Variants in MED13L observed in about 807,000 individuals in gnomAD.
MED13L encodes the protein mediator complex subunit 13L, also known as mediator of RNA polymerase II transcription subunit 13-like.
In MED13L, 7 loss-of-function variants were observed where a neutral mutation model predicts 220.9. The ratio of observed to expected loss-of-function variants is 0.03; its 90% CI spans 0.02 to 0.06. The LOEUF (loss-of-function observed/expected upper bound fraction) is 0.06, where lower values mean the gene tolerates loss of function less well. Among genes scored for constraint, MED13L ranks in the 10% least tolerant of loss-of-function variants. MED13L has a pLI of 1.00. For synonymous variants in MED13L, 1,011 were observed against 1,015.2 expected (o/e 1.00, Z 0.08); for missense variants, 1,965 against 2,760.5 (o/e 0.71, Z 6.46).
chr12:115,976,159 C>T (rs1876922986), intron 23 of MED13L, among the ~76,000 whole-genome samples: 1 of 152,136 alleles, frequency 6.6e-6, no homozygotes, highest in African/African-American at 2.4e-5. Flanking sequence ...CAAACATATA[C>T]TCCCTTTGAA....
intron 1 of MED13L, among the ~76,000 whole-genome samples, chr12:116,261,602 T>C (rs1185783359): frequency 6.6e-6 from 1 of 152,208 alleles, no homozygotes; most frequent in African/African-American, 2.4e-5. Flanking sequence ...CTGTAGGGTT[T>C]AAAAGCAAGA....
At chr12:116,024,299 A>C (rs1246314640) in intron 4 of MED13L, among the ~76,000 whole-genome samples, 1 of 152,210 alleles carries the variant, frequency 6.6e-6, no homozygotes, top group Non-Finnish European at 1.5e-5. Context: ...GACTGATATG[A>C]AAACACATGA....
chr12:116,275,815 A>G (rs1474267594), intron 1 of MED13L, among the ~76,000 whole-genome samples: 3 of 152,250 alleles, frequency 2.0e-5, no homozygotes, highest in Non-Finnish European at 4.4e-5. Context: ...TAAACCGTTC[A>G]GCCAATTTTC....
At chr12:116,020,016 A>C in intron 5 of MED13L, 44 bp from the exon 6 acceptor site, 1 of 1,550,188 alleles carries the variant, frequency 6.5e-7, no homozygotes. Flanking sequence ...TAGAGAAATA[A>C]TTCCTACTTA....
intron 4 of MED13L, among the ~76,000 whole-genome samples, chr12:116,059,292 T>TCAAG (rs1283837077): frequency 6.6e-6 from 1 of 152,172 alleles, no homozygotes; most frequent in African/African-American, 2.4e-5. Context: ...ACTCCTGGGC[T>TCAAG]CAAGCCATCC....
intron 1 of MED13L, among the ~76,000 whole-genome samples, chr12:116,238,088 G>A (rs1870266687): frequency 6.6e-6 from 1 of 152,130 alleles, no homozygotes; most frequent in Admixed American, 6.5e-5. Context: ...AAATAAGTTT[G>A]TATATATGAA....
At chr12:116,046,402 C>T (rs1391590114) in intron 4 of MED13L, among the ~76,000 whole-genome samples, 1 of 152,118 alleles carries the variant, frequency 6.6e-6, no homozygotes, top group Non-Finnish European at 1.5e-5. Flanking sequence ...AATAATTTCA[C>T]ATCCCAAAAT....
chr12:116,047,326 T>A (rs1307972191), intron 4 of MED13L, among the ~76,000 whole-genome samples: 1 of 152,204 alleles, frequency 6.6e-6, no homozygotes, highest in African/African-American at 2.4e-5. Context: ...GACCCCAGCC[T>A]GGGTGACAGA....
intron 2 of MED13L, chr12:116,168,965 A>C (rs978644201): frequency 3.9e-5 from 6 of 152,252 alleles, no homozygotes; most frequent in African/African-American, 1.2e-4. Flanking sequence ...AGGAAGGCAA[A>C]GCACCAGGCC....
chr12:115,986,989 G>T, intron 18 of MED13L, 120 bp downstream of exon 18: 2 of 1,019,058 alleles, frequency 2.0e-6, no homozygotes, highest in Non-Finnish European at 2.9e-6. Flanking sequence ...AAAACTAAAT[G>T]GTCAAAGAAA....
At chr12:116,228,991 G>C (rs1869278416) in intron 2 of MED13L, among the ~76,000 whole-genome samples, 1 of 151,964 alleles carries the variant, frequency 6.6e-6, no homozygotes, top group Non-Finnish European at 1.5e-5. Context: ...TTCCCAGGCT[G>C]GTCTCAAAGT....
chr12:116,174,569 G>A (rs932117727), intron 2 of MED13L: 1 of 151,590 alleles, frequency 6.6e-6, no homozygotes, highest in Non-Finnish European at 1.5e-5. Context: ...ATTCGATTTT[G>A]CTAACAGATA....
intron 4 of MED13L, among the ~76,000 whole-genome samples, chr12:116,075,848 T>C (rs1383636304): frequency 1.3e-5 from 2 of 152,100 alleles, no homozygotes; most frequent in East Asian, 1.9e-4. Context: ...TGTTTCTCAA[T>C]TGCAGTTGTG....
chr12:116,158,885 G>GTGATACATCCCCCCAGCTTATT, intron 2 of MED13L, among the ~76,000 whole-genome samples: 1 of 152,120 alleles, frequency 6.6e-6, no homozygotes, highest in East Asian at 1.9e-4. Flanking sequence ...GTAACCTCAC[G>GTGATACATCCCCCCAGCTTATT]TGACTAGTGA....
intron 22 of MED13L, among the ~76,000 whole-genome samples, chr12:115,981,509 C>T (rs1877328639): frequency 6.6e-6 from 1 of 152,116 alleles, no homozygotes; most frequent in African/African-American, 2.4e-5. Flanking sequence ...CACTATAAAG[C>T]TGTCAAAGGT....
rs148987252 is a variant in MED13L, at chr12:116,027,600, T to C, written c.480-4999A>G. ...AAGATCTGAGGAAGCCCTTGCCTCC[T>C]ATCCTTATGCAGCGCTGCTTGTTGG... On this transcript the variant is annotated intron_variant, in intron 4 of 30. Transcript: ENST00000281928. Among the ~76,000 whole-genome samples, 19 of 152,292 alleles carry C rather than the reference T, an allele frequency of 1.2e-4. No homozygotes were observed. In the East Asian group the frequency reaches 3.5e-3, roughly 28 times the overall value.
chr12:116,015,529 C>G lies in MED13L; in HGVS notation c.1010-255G>C, dbSNP rs532549865. Among the ~76,000 whole-genome samples, 17 of 152,232 alleles carry G rather than the reference C, an allele frequency of 1.1e-4. No individual in the cohort carries two copies. The East Asian group carries it at 2.7e-3, about 24-fold the overall frequency. On this transcript the variant is annotated intron_variant, in intron 7 of 30. Coordinates refer to ENST00000281928, the MANE Select transcript of MED13L (RefSeq NM_015335.5). ...TCAATTAATCAGATGAACACTCACA[C>G]AACCATAAGGGCACACACATACATA...
intron 9 of MED13L, among the ~76,000 whole-genome samples, chr12:116,009,865 G>A (rs1271262194): frequency 6.6e-6 from 1 of 152,150 alleles, no homozygotes; most frequent in Non-Finnish European, 1.5e-5. Flanking sequence ...AAATGGCTCA[G>A]TAAGAGCCCA....
intron 1 of MED13L, among the ~76,000 whole-genome samples, chr12:116,263,934 A>G (rs1872664537): frequency 6.6e-6 from 1 of 152,328 alleles, no homozygotes; most frequent in African/African-American, 2.4e-5. Flanking sequence ...AGTACACTGA[A>G]TCGCTAGACT....
Sources: allele counts gnomAD v4.1 joint callset (sites outside exome capture counted in the v4.1 genomes callset), GRCh38; gene constraint gnomAD v4.1.1; transcripts MANE v1.5; gene names NCBI Gene and HGNC (gene_info 2026-07-23, HGNC 2026-07-21).